The following CHURC1 variants were observed in gnomAD, a reference collection of about 807,000 sequenced individuals.
CHURC1 encodes the protein protein Churchill.
Under a neutral mutation model 15.4 loss-of-function variants are expected in CHURC1, and 12 were observed. The observed-to-expected ratio is 0.78, with a 90% CI of 0.50 to 1.27. The LOEUF is 1.27. Ranked by LOEUF, CHURC1 falls within the 50% of genes most tolerant of loss-of-function variation. The pLI is 0.00. For missense variants in CHURC1, 132 were observed against 137.8 expected (o/e 0.96, Z 0.21); for synonymous variants, 42 against 47.5 (o/e 0.88, Z 0.48).
chr14:64,918,350 G>C (rs1884034644), intron 1 of CHURC1, among the ~76,000 whole-genome samples: 1 of 152,212 alleles, frequency 6.6e-6, no homozygotes, highest in Non-Finnish European at 1.5e-5. Context: ...AATGGAATGA[G>C]TAACTCTTAA....
intron 1 of CHURC1, among the ~76,000 whole-genome samples, chr14:64,923,273 CAAA>C (rs563823780): frequency 1.9e-5 from 2 of 103,326 alleles, no homozygotes; most frequent in African/African-American, 3.8e-5. Flanking sequence ...TCTCAATTAC[CAAA>C]AAAAAAAAAA....
rs1255535443 is a variant in CHURC1, at chr14:64,934,286, T to A, written c.*2056T>A. On this transcript the variant is annotated 3_prime_UTR_variant, in exon 4 of 4. Coordinates refer to ENST00000549115, the MANE Select transcript of CHURC1 (RefSeq NM_001386928.1). ...TCGCTTGAACCCGCGACAGGGAGGT[T>A]GTGATGAGCCAAGGTCATGCCACTG... 2.5e-6 allele frequency: 1 copy of A among 399,878 alleles called. No homozygotes were observed. The allele number at this position is 399,878 out of a possible 1,614,324, so 24.8% of individuals were successfully genotyped here. A position where few individuals can be genotyped will look rare whatever the true frequency, so the allele number is the denominator to read the frequency against.
intron 2 of CHURC1, among the ~76,000 whole-genome samples, chr14:64,925,411 G>T (rs949270224): frequency 6.6e-6 from 1 of 152,046 alleles, no homozygotes; most frequent in African/African-American, 2.4e-5. Flanking sequence ...GGTGGCTCAC[G>T]CCTATAATCC....
At position 64,934,506 on chromosome 14, in the gene CHURC1, C is replaced by T; in HGVS notation, c.*2276C>T. On this transcript the variant is annotated 3_prime_UTR_variant, in exon 4 of 4. Transcript: ENST00000549115. The stretch of plus-strand genomic sequence containing the variant: ...AGGAAGAGGTTAAGAATATCAGTGA[C>T]AGTACTCTGAGGCATCTGGGCATGT... 1.0e-6 allele frequency: 1 copy of T among 985,312 alleles called. No homozygotes were observed. The highest frequency in any genetic ancestry group is 4.7e-5 in the South Asian group (1 of 21,290). 61.0% of individuals were successfully genotyped at this position (985,312 alleles called of 1,614,324 possible). A position where few individuals can be genotyped will look rare whatever the true frequency, so the allele number is the denominator to read the frequency against.
At position 64,934,059 on chromosome 14, in the gene CHURC1, C is replaced by G. The variant is rs1271314457; in HGVS notation, c.*1829C>G. The G allele has an allele frequency of 1.3e-4, 128 of 972,096 alleles. No homozygotes were observed. Among genetic ancestry groups the G allele is most frequent in the Non-Finnish European group, 1.5e-4 (125 of 826,878 alleles). The allele number at this position is 972,096 out of a possible 1,614,324, so 60.2% of individuals were successfully genotyped here. ...ACTCAGGCACAAAGAAGTTAAATAA[C>G]TTGCCGGGTGCGGTGGCTCACCCCT... On this transcript the variant is annotated 3_prime_UTR_variant, in exon 4 of 4. Coordinates refer to ENST00000549115, the MANE Select transcript of CHURC1 (RefSeq NM_001386928.1).
chr14:64,932,170 A>G lies in CHURC1; in HGVS notation c.279A>G (p.Lys93=), dbSNP rs1885115896. ...CCATGCTGTGTCTGTTATGCGGCAA[A>G]GCCGAAGATACTATCAGTATTCTCC... ...EYTMLCLLCG[K]AEDTISILPD... The change falls in exon 4 of 4, where the codon AAA becomes AAG. Residue 93 remains lysine, a synonymous_variant. Coordinates refer to ENST00000549115, the MANE Select transcript of CHURC1 (RefSeq NM_001386928.1). 6.2e-7 allele frequency: 1 copy of G among 1,613,870 alleles called. No individual in the cohort carries two copies. The highest frequency in any genetic ancestry group is 8.5e-7 in the Non-Finnish European group (1 of 1,179,908).
In CHURC1 at chr14:64,933,761, T is replaced by C. The variant is rs1004359167; in HGVS notation, c.*1531T>C. The C allele has an allele frequency of 2.0e-6, 2 of 985,430 alleles. No homozygotes were observed. The highest frequency in any genetic ancestry group is 2.4e-6 in the Non-Finnish European group (2 of 829,916). The allele number at this position is 985,430 out of a possible 1,614,324, so 61.0% of individuals were successfully genotyped here. ...TTGGAAATTCTGAACTAAGGTCTTA[T>C]AAGAACAAGAAATGAGCAAAGTGTT... On this transcript the variant is annotated 3_prime_UTR_variant, in exon 4 of 4. Transcript: ENST00000549115.
At chr14:64,916,712 G>A (rs773433151) in intron 1 of CHURC1, among the ~76,000 whole-genome samples, 2 of 151,934 alleles carry the variant, frequency 1.3e-5, no homozygotes, top group Non-Finnish European at 2.9e-5. Context: ...CGAGTAGCTC[G>A]GACTGCAGGT....
chr14:64,931,964 G>GC (rs1166481870), intron 3 of CHURC1, among the ~76,000 whole-genome samples, 174 bp from the exon 4 acceptor site: 2 of 152,296 alleles, frequency 1.3e-5, no homozygotes, highest in East Asian at 3.9e-4. Flanking sequence ...TAAACAACAG[G>GC]CTCTGGAATA....
intron 2 of CHURC1, among the ~76,000 whole-genome samples, chr14:64,925,714 A>AAAAAAG (rs1555383537): frequency 3.3e-5 from 5 of 151,628 alleles, no homozygotes; most frequent in Non-Finnish European, 7.4e-5. Flanking sequence ...AAAAAAAAAA[A>AAAAAAG]AAAGAAATTG....
chr14:64,928,825 C>G (rs1461540435), intron 3 of CHURC1, among the ~76,000 whole-genome samples: 1 of 152,076 alleles, frequency 6.6e-6, no homozygotes, highest in East Asian at 1.9e-4. Context: ...TTTGTGTTTT[C>G]TCTTAGTTTT....
rs1340736027 is a variant in CHURC1, at chr14:64,933,840, CTG to C, written c.*1611_*1612del. The C allele has an allele frequency of 1.0e-6, 1 of 984,904 alleles. No individual in the cohort carries two copies. The highest frequency in any genetic ancestry group is 1.7e-5 in the African/African-American group (1 of 57,212). 61.0% of individuals were successfully genotyped at this position (984,904 alleles called of 1,614,324 possible). A position where few individuals can be genotyped will look rare whatever the true frequency, so the allele number is the denominator to read the frequency against. On this transcript the variant is annotated 3_prime_UTR_variant, in exon 4 of 4. Transcript: ENST00000549115. ...TGAATAACAGTAATGATGATAATAT[CTG>C]AGCTTTATTAAGTACTTACTACATG...
intron 3 of CHURC1, among the ~76,000 whole-genome samples, chr14:64,927,726 C>A: frequency 8.6e-6 from 1 of 115,854 alleles, no homozygotes; most frequent in Non-Finnish European, 1.8e-5. Context: ...ACCCCCCCCC[C>A]CGCCGTCAAT....
intron 3 of CHURC1, among the ~76,000 whole-genome samples, chr14:64,928,679 A>T (rs1465353306): frequency 7.1e-6 from 1 of 139,922 alleles, no homozygotes; most frequent in Admixed American, 6.8e-5. Context: ...ACATCCTGTG[A>T]CTGCCTTAGT....
intron 1 of CHURC1, among the ~76,000 whole-genome samples, chr14:64,915,692 GA>G (rs1883837617): frequency 6.6e-6 from 1 of 152,304 alleles, no homozygotes; most frequent in Admixed American, 6.5e-5. Flanking sequence ...CAACTACTTT[GA>G]AAAAGCGGGT....
chr14:64,924,728 A>T (rs1480649185), intron 2 of CHURC1, among the ~76,000 whole-genome samples: 1 of 152,178 alleles, frequency 6.6e-6, no homozygotes, highest in Non-Finnish European at 1.5e-5. Context: ...CAAATAAACT[A>T]TGTATAAAAA....
At chr14:64,922,595 A>AT (rs1884389355) in intron 1 of CHURC1, among the ~76,000 whole-genome samples, 1 of 146,170 alleles carries the variant, frequency 6.8e-6, no homozygotes, top group Non-Finnish European at 1.5e-5. Flanking sequence ...AAAAAAAAAA[A>AT]AAAAAATCAA....
At chr14:64,930,862 A>C in intron 3 of CHURC1, 1 of 454,624 alleles carries the variant, frequency 2.2e-6, no homozygotes, top group South Asian at 1.6e-5. Context: ...GAACAGTAAA[A>C]GACCTTGAAG....
intron 1 of CHURC1, among the ~76,000 whole-genome samples, chr14:64,918,036 T>C (rs190160146): frequency 6.6e-6 from 1 of 152,256 alleles, no homozygotes; most frequent in East Asian, 1.9e-4. Flanking sequence ...GGATTTGTTC[T>C]CTGAGGAAAA....
Sources: allele counts gnomAD v4.1 joint callset (sites outside exome capture counted in the v4.1 genomes callset), GRCh38; gene constraint gnomAD v4.1.1; transcripts MANE v1.5; gene names NCBI Gene and HGNC (gene_info 2026-07-23, HGNC 2026-07-21).